The following TTC6 variants were observed in gnomAD, a reference collection of about 807,000 sequenced individuals.
The protein encoded by TTC6 is tetratricopeptide repeat domain 6.
In TTC6, 172 loss-of-function variants were observed where a neutral mutation model predicts 210.4. The observed-to-expected ratio is 0.82, with a 90% confidence interval of 0.72 to 0.93. The LOEUF (loss-of-function observed/expected upper bound fraction) is 0.93, where lower values mean the gene tolerates loss of function less well. Among genes scored for constraint, TTC6 ranks in the 40% least tolerant of loss-of-function variants. The probability of loss-of-function intolerance (pLI) is 0.00; values close to 1 mark genes in which losing one functional copy is unlikely to be tolerated. For synonymous variants in TTC6, 804 were observed against 819.6 expected (o/e 0.98, Z 0.32); for missense variants, 2,414 against 2,318.1 (o/e 1.04, Z -0.85).
intron 1 of TTC6, among the ~76,000 whole-genome samples, chr14:37,631,088 T>C (rs933937466): frequency 2.0e-5 from 3 of 151,926 alleles, no homozygotes; most frequent in Admixed American, 1.3e-4. Context: ...TGTCTTTTAA[T>C]TGGGGAATTT....
intron 20 of TTC6, among the ~76,000 whole-genome samples, chr14:37,800,474 T>C (rs1288714070): frequency 6.6e-6 from 1 of 152,136 alleles, no homozygotes; most frequent in Non-Finnish European, 1.5e-5. Flanking sequence ...CTTCTCCAGA[T>C]GGCAAAAGAG....
chr14:37,647,459 T>C (rs998182320), intron 1 of TTC6, among the ~76,000 whole-genome samples: 4 of 152,192 alleles, frequency 2.6e-5, no homozygotes, highest in African/African-American at 7.2e-5. Flanking sequence ...TGTATGTGTG[T>C]TGCAGGAGAG....
chr14:37,708,334 G>T (rs944430048), intron 5 of TTC6, among the ~76,000 whole-genome samples: 2 of 151,796 alleles, frequency 1.3e-5, no homozygotes, highest in African/African-American at 4.8e-5. Context: ...TAAGAAAATG[G>T]AAAATTATCT....
rs1320516838 is a variant in TTC6 at position 37,792,357 on chromosome 14, T to G, written c.3651T>G (p.Ile1217Met). 5 of 1,532,958 alleles carry G rather than the reference T, an allele frequency of 3.3e-6. No homozygotes were observed. In the African/African-American group the frequency reaches 6.9e-5, roughly 21 times the overall value. The allele number at this position is 1,532,958 out of a possible 1,614,324, so 95.0% of individuals were successfully genotyped here. Residue 1217 changes from isoleucine to methionine, a missense_variant, in exon 17 of 31, where the codon ATT becomes ATG. Ile to Met is a conservative substitution (Grantham distance 10). Transcript: ENST00000553443. ...CTATTTGGCAATTTTCTGAGGCTAT[T>G]AGAATTGATCCTTTATGTATTCAAA... is the stretch of plus-strand genomic sequence containing the variant.
intron 20 of TTC6, chr14:37,802,481 G>T (rs2096109041): frequency 6.6e-6 from 1 of 152,106 alleles, no homozygotes; most frequent in Non-Finnish European, 1.5e-5. Flanking sequence ...GAGCTTGGAA[G>T]CTAATTCTCC....
At chr14:37,712,078 C>T (rs528638986) in intron 5 of TTC6, among the ~76,000 whole-genome samples, 1 of 152,258 alleles carries the variant, frequency 6.6e-6, no homozygotes, top group Non-Finnish European at 1.5e-5. Context: ...AGCATAAAGG[C>T]TAACCTTAGG....
chr14:37,671,620 A>G (rs1405791534), intron 1 of TTC6, among the ~76,000 whole-genome samples: 1 of 152,194 alleles, frequency 6.6e-6, no homozygotes, highest in African/African-American at 2.4e-5. Flanking sequence ...ATTCAGGAAC[A>G]GCAAAAACAG....
At chr14:37,765,571 A>G (rs987144726) in intron 14 of TTC6, among the ~76,000 whole-genome samples, 1 of 152,120 alleles carries the variant, frequency 6.6e-6, no homozygotes, top group African/African-American at 2.4e-5. Flanking sequence ...GAACAAAAAG[A>G]GTAATTAGAA....
intron 21 of TTC6, 124 bp downstream of exon 23, chr14:37,804,938 G>T: frequency 9.7e-7 from 1 of 1,033,200 alleles, no homozygotes; most frequent in Non-Finnish European, 1.4e-6. Context: ...TATGAAGCTT[G>T]GCTTGTTATA....
chr14:37,648,324 A>G (rs188755549), intron 1 of TTC6, among the ~76,000 whole-genome samples: 7 of 152,298 alleles, frequency 4.6e-5, no homozygotes, highest in Non-Finnish European at 4.4e-5. Context: ...AAAAATGTTT[A>G]TCATGAATAA....
intron 2 of TTC6, 87 bp from the exon 5 acceptor site, chr14:37,682,671 T>A: frequency 8.9e-7 from 1 of 1,124,122 alleles, no homozygotes; most frequent in South Asian, 1.5e-5. Flanking sequence ...CATATTCATC[T>A]TGTCAGATAG....
intron 2 of TTC6, chr14:37,611,176 C>T (rs543593244): frequency 6.6e-6 from 1 of 152,202 alleles, no homozygotes; most frequent in South Asian, 2.1e-4. Flanking sequence ...AGGGCAGAGG[C>T]GCGGAGAGGC....
At chr14:37,733,059 G>A (rs1394840399) in intron 7 of TTC6, among the ~76,000 whole-genome samples, 2 of 152,054 alleles carry the variant, frequency 1.3e-5, no homozygotes, top group Non-Finnish European at 2.9e-5. Context: ...AAGGGTCAAC[G>A]GTATGTTTTA....
At chr14:37,695,332 G>A (rs748633884) in intron 3 of TTC6, among the ~76,000 whole-genome samples, 38 of 151,816 alleles carry the variant, frequency 2.5e-4, no homozygotes, top group Non-Finnish European at 4.9e-4. Context: ...AGCACAACAG[G>A]GTGACTATAG....
rs148588836 is a variant in TTC6, at chr14:37,688,351, C to T, written c.1257+5387C>T. The stretch of plus-strand genomic sequence containing the variant: ...GGCTCCTGGATGGCACCTCTGGTTG[C>T]ACCCGGGGTCTGAGCGAATTTGCTG... On this transcript the variant is annotated intron_variant, in intron 3 of 30. Transcript: ENST00000553443. Among the ~76,000 whole-genome samples the T allele has an allele frequency of 2.2e-4, 33 of 152,286 alleles. No homozygotes were observed. In the East Asian group the frequency reaches 3.3e-3, roughly 15 times the overall value.
intron 17 of TTC6, among the ~76,000 whole-genome samples, chr14:37,792,776 TTGTGTGTGTGTGTGTGTGTGTG>T (rs34766491): frequency 7.1e-6 from 1 of 140,038 alleles, no homozygotes; most frequent in Admixed American, 7.3e-5. Context: ...TGGTCCAATG[TTGTGTGTGTGTGTGTGTGTGTG>T]TGTGTGTGTG....
At chr14:37,739,290 C>T (rs2095910955) in intron 10 of TTC6, 135 bp downstream of exon 12, 4 of 964,000 alleles carry the variant, frequency 4.1e-6, no homozygotes, top group Non-Finnish European at 5.7e-6. Flanking sequence ...GAAAGACAAA[C>T]CTCTGGCTGG....
intron 29 of TTC6, 102 bp downstream of exon 31, chr14:37,827,468 A>T: frequency 9.5e-7 from 1 of 1,052,020 alleles, no homozygotes; most frequent in South Asian, 1.9e-5. Flanking sequence ...CTAATAATGC[A>T]TTGGCTATTA....
chr14:37,747,641 A>G (rs962580111), intron 10 of TTC6, among the ~76,000 whole-genome samples: 1 of 152,152 alleles, frequency 6.6e-6, no homozygotes, highest in Non-Finnish European at 1.5e-5. Flanking sequence ...TGGAGTTCCT[A>G]ATTGGATAAA....
Sources: gnomAD v4.1 joint callset for allele counts (sites outside exome capture counted in the v4.1 genomes callset) on GRCh38, gnomAD v4.1.1 for gene constraint, MANE v1.5 for transcripts, NCBI Gene and HGNC (gene_info 2026-07-23, HGNC 2026-07-21) for gene names.